RCBTB2: variants seen among roughly 807,000 people sequenced by gnomAD.
RCBTB2 encodes the protein RCC1 and BTB domain containing protein 2.
Under a neutral mutation model 65.4 loss-of-function variants are expected in RCBTB2, and 55 were observed. The ratio of observed to expected loss-of-function variants is 0.84; its 90% CI spans 0.68 to 1.05. RCBTB2 has a LOEUF of 1.05. Ranked by LOEUF, RCBTB2 falls within the 50% of genes least tolerant of loss-of-function variation. The pLI, the probability that RCBTB2 is intolerant of heterozygous loss-of-function variation, is 0.00. For missense variants in RCBTB2, 599 were observed against 680.1 expected, an observed-to-expected ratio of 0.88 and a Z score of 1.33; for synonymous variants, 220 against 255.2, an observed-to-expected ratio of 0.86 and a Z score of 1.31.
At chr13:48,521,823 GA>G in intron 4 of RCBTB2, 74 bp downstream of exon 4, 1 of 1,346,364 alleles carries the variant, frequency 7.4e-7, no homozygotes, top group Non-Finnish European at 1.1e-6. Flanking sequence ...TCCTATCGGT[GA>G]CCAATAGGTG....
At chr13:48,502,545 G>A (rs1950286416) in intron 11 of RCBTB2, among the ~76,000 whole-genome samples, 179 bp downstream of exon 11, 1 of 152,028 alleles carries the variant, frequency 6.6e-6, no homozygotes. Context: ...TTTTAGTTTA[G>A]TACTGGTGTT....
At chr13:48,493,325 T>TCCACACACACACACACACACACACACA (rs1566254892) in intron 14 of RCBTB2, among the ~76,000 whole-genome samples, 3 of 125,134 alleles carry the variant, frequency 2.4e-5, no homozygotes, top group African/African-American at 4.2e-5. Context: ...ACTCTCTCTC[T>TCCACACACACACACACACACACACACA]CTCTCTCTCT....
chr13:48,504,804 C>A (rs1353715542), intron 10 of RCBTB2, among the ~76,000 whole-genome samples: 1 of 152,210 alleles, frequency 6.6e-6, no homozygotes, highest in African/African-American at 2.4e-5. Context: ...TCCTCCACTG[C>A]CTCCTTTAGG....
rs909001820 is a variant in RCBTB2, at chr13:48,489,291, A to T, written c.*820T>A. The T allele has an allele frequency of 5.9e-5, 9 of 152,248 alleles. No individual in the cohort carries two copies. Among genetic ancestry groups the T allele is most frequent in the African/African-American group, 2.2e-4 (9 of 41,470 alleles). 9.4% of individuals were successfully genotyped at this position (152,248 alleles called of 1,614,324 possible). A position where few individuals can be genotyped will look rare whatever the true frequency, so the allele number is the denominator to read the frequency against. The stretch of plus-strand genomic sequence containing the variant: ...TGAAAGTCAACTACAAGAAAAGCAC[A>T]TTGTCATTTTCATTTACAGAGGCAA... On this transcript the variant is annotated 3_prime_UTR_variant, in exon 15 of 15. Transcript: ENST00000344532.
At chr13:48,496,574 AT>A (rs1176784288) in intron 13 of RCBTB2, among the ~76,000 whole-genome samples, 1 of 151,138 alleles carries the variant, frequency 6.6e-6, no homozygotes, top group Non-Finnish European at 1.5e-5. Flanking sequence ...TAGCTTTAAT[AT>A]TTTTTTCCTA....
At position 48,512,807 on chromosome 13, in the gene RCBTB2, A is replaced by G. The variant is rs1231136938; in HGVS notation, c.438T>C (p.Ser146=). ...TGACTTGTTTGTTTGACAGATTAGT[A>G]GAGATATGACAGGGCACTAAACCAT... ...TNHGLVPCHI[S]TNLSNKQVIE... The change falls in exon 7 of 15, where the codon TCT becomes TCC. Residue 146 remains serine, a synonymous_variant. Transcript: ENST00000344532. 2 of 1,613,834 alleles carry G rather than the reference A, an allele frequency of 1.2e-6. No individual in the cohort carries two copies. The highest frequency in any genetic ancestry group is 1.7e-6 in the Non-Finnish European group (2 of 1,179,822).
chr13:48,527,861 A>G (rs2138654367), intron 1 of RCBTB2, among the ~76,000 whole-genome samples: 1 of 152,342 alleles, frequency 6.6e-6, no homozygotes. Context: ...ATAATGTGAT[A>G]AACACATTCA....
At position 48,490,056 on chromosome 13, in the gene RCBTB2, T is replaced by C. The variant is rs1291864205; in HGVS notation, c.*55A>G. The C allele has an allele frequency of 3.8e-6, 6 of 1,589,366 alleles. No homozygotes were observed. Among genetic ancestry groups the C allele is most frequent in the Non-Finnish European group, 5.2e-6 (6 of 1,158,184 alleles). ...CTATTAATTAAAGAGAAGTGATTCATCTCTGGCTTTTGCAGGGGAAATGGA... is the reference window on the plus strand; with the variant it reads ...CTATTAATTAAAGAGAAGTGATTCACCTCTGGCTTTTGCAGGGGAAATGGA... On this transcript the variant is annotated 3_prime_UTR_variant, in exon 15 of 15. Transcript: ENST00000344532.
intron 14 of RCBTB2, among the ~76,000 whole-genome samples, chr13:48,493,309 ACACACACTCTCTCTCTCT>A (rs1345732270): frequency 0.087 from 4,126 of 47,634 alleles, 213 homozygotes; most frequent in African/African-American, 0.15. Flanking sequence ...ACACACACAC[ACACACACTCTCTCTCTCT>A]CTCTCTCTCT....
At position 48,501,840 on chromosome 13, in the gene RCBTB2, C is replaced by T. The variant is rs767177069; in HGVS notation, c.1146G>A (p.Glu382=). ...VEPDDHLTVA[E]SLKREFDNPD... ...GGTTGTCAAATTCCCTCTTCAGTGA[C>T]TCAGCCACTGTGAGGTGGTCATCAG... The change falls in exon 12 of 15, where the codon GAG becomes GAA. Residue 382 remains glutamate, a synonymous_variant. Transcript: ENST00000344532. 5 of 1,614,058 alleles carry T rather than the reference C, an allele frequency of 3.1e-6. No homozygotes were observed. The highest frequency in any genetic ancestry group is 4.2e-6 in the Non-Finnish European group (5 of 1,179,934).
intron 14 of RCBTB2, among the ~76,000 whole-genome samples, chr13:48,495,590 T>A (rs1318578636): frequency 6.6e-6 from 1 of 152,228 alleles, no homozygotes; most frequent in African/African-American, 2.4e-5. Context: ...TAAATACTTG[T>A]GAGTGAATTC....
rs747158518 is a variant in RCBTB2, at chr13:48,515,555, T to C, written c.198+31A>G. The C allele has an allele frequency of 6.4e-6, 10 of 1,555,902 alleles. No individual in the cohort carries two copies. In the Admixed American group the frequency reaches 2.0e-4, roughly 31 times the overall value. The stretch of plus-strand genomic sequence containing the variant: ...TTTGGCAAATCCATTTCTAAAAATG[T>C]GAGTAGCTGATTTATTTTCTTCAAA... On this transcript the variant is annotated intron_variant, in intron 5 of 14. Transcript: ENST00000344532.
At chr13:48,506,906 A>G (rs1950533981) in intron 10 of RCBTB2, among the ~76,000 whole-genome samples, 2 of 152,264 alleles carry the variant, frequency 1.3e-5, no homozygotes, top group African/African-American at 4.8e-5. Context: ...CTGGAGCACA[A>G]CAGCATCCTT....
chr13:48,530,057 A>AT (rs965583876), intron 1 of RCBTB2, among the ~76,000 whole-genome samples: 38 of 146,702 alleles, frequency 2.6e-4, no homozygotes, highest in African/African-American at 5.0e-4. Flanking sequence ...TGCCTGGCTC[A>AT]TTTTTTTTTT....
At position 48,506,858 on chromosome 13, in the gene RCBTB2, T is replaced by A. The variant is rs1397441375; in HGVS notation, c.926+3771A>T. ...TCTACATTTTTTGGAATCATTTCTG[T>A]GTCCTTTGGGGTAATGTTCTATGAA... is the stretch of plus-strand genomic sequence containing the variant. On this transcript the variant is annotated intron_variant, in intron 10 of 14. Transcript: ENST00000344532. 2.0e-5 allele frequency among the ~76,000 whole-genome samples: 3 copies of A among 152,356 alleles called. No homozygotes were observed. The East Asian group carries it at 5.8e-4, about 29-fold the overall frequency.
intron 7 of RCBTB2, 78 bp from the exon 8 acceptor site, chr13:48,512,252 G>A: frequency 7.8e-7 from 1 of 1,286,382 alleles, no homozygotes; most frequent in South Asian, 1.4e-5. Flanking sequence ...TGTACTTGTG[G>A]CACCGAGTCT....
rs117462801 is a variant in RCBTB2, at chr13:48,505,584, C to T, written c.927-2670G>A. 4.9e-3 allele frequency among the ~76,000 whole-genome samples: 741 copies of T among 152,330 alleles called. 5 individuals are homozygous for T. Among genetic ancestry groups the T allele is most frequent in the Non-Finnish European group, 7.1e-3 (485 of 68,028 alleles). On this transcript the variant is annotated intron_variant, in intron 10 of 14. Transcript: ENST00000344532. ...TAAACTTATTCAAAGAGAAGTACGT[C>T]CACTGTTAGTATCGATTTTACTGGC...
At chr13:48,522,727 T>C (rs947641096) in intron 2 of RCBTB2, among the ~76,000 whole-genome samples, 1 of 152,248 alleles carries the variant, frequency 6.6e-6, no homozygotes, top group Non-Finnish European at 1.5e-5. Context: ...TAAGGCTGTA[T>C]TTAATGATGT....
chr13:48,493,816 C>T (rs916766621), intron 14 of RCBTB2, among the ~76,000 whole-genome samples: 14 of 152,116 alleles, frequency 9.2e-5, no homozygotes, highest in African/African-American at 3.4e-4. Flanking sequence ...ATATCCTATT[C>T]ATTTATTGAT....
Sources: gnomAD v4.1 joint callset for allele counts (sites outside exome capture counted in the v4.1 genomes callset) on GRCh38, gnomAD v4.1.1 for gene constraint, MANE v1.5 for transcripts, NCBI Gene and HGNC (gene_info 2026-07-23, HGNC 2026-07-21) for gene names.